Variants in SLC13A3 observed in about 807,000 individuals in gnomAD.
SLC13A3 encodes solute carrier family 13 member 3, also known as Na(+)/dicarboxylate cotransporter 3.
SLC13A3 carries 40 observed loss-of-function variants against 59.0 expected under a neutral mutation model. The ratio of observed to expected loss-of-function variants is 0.68; its 90% CI spans 0.53 to 0.88. The LOEUF is 0.88. Among genes scored for constraint, SLC13A3 ranks in the 40% least tolerant of loss-of-function variants. The pLI, the probability that SLC13A3 is intolerant of heterozygous loss-of-function variation, is 0.00. For synonymous variants in SLC13A3, 317 were observed against 330.3 expected (o/e 0.96, Z 0.44); for missense variants, 699 against 783.2 (o/e 0.89, Z 1.28).
At chr20:46,600,423 A>AAGGAAGG (rs753404754) in intron 3 of SLC13A3, among the ~76,000 whole-genome samples, 1 of 129,968 alleles carries the variant, frequency 7.7e-6, no homozygotes, top group Non-Finnish European at 1.8e-5. Flanking sequence ...GGAAGGAAGG[A>AAGGAAGG]AAGGAAGGAA....
intron 10 of SLC13A3, among the ~76,000 whole-genome samples, chr20:46,574,263 T>C (rs1050008540): frequency 4.6e-5 from 7 of 152,194 alleles, no homozygotes; most frequent in African/African-American, 1.7e-4. Flanking sequence ...AGGGAGAGTT[T>C]GAACCCCAGC....
chr20:46,613,541 A>G lies in SLC13A3; in HGVS notation c.296T>C (p.Met99Thr). Reference protein sequence around the residue: ...TNFLFLSGLIMASAIEEWNLH... With the variant: ...TNFLFLSGLITASAIEEWNLH... ...GTTCCACTCCTCAATGGCGCTGGCC[A>G]TGATCAGCCCACTGAGGAAGAGGAA... is the stretch of plus-strand genomic sequence containing the variant. The change falls in exon 2 of 13, where the codon ATG becomes ACG. Residue 99 changes from methionine (M) to threonine (T), a missense_variant. Met to Thr is a moderately conservative substitution (Grantham distance 81). Transcript: ENST00000279027. 6.2e-7 allele frequency: 1 copy of G among 1,614,102 alleles called. No homozygotes were observed. Among genetic ancestry groups the G allele is most frequent in the Non-Finnish European group, 8.5e-7 (1 of 1,179,990 alleles).
intron 5 of SLC13A3, among the ~76,000 whole-genome samples, chr20:46,595,557 C>G (rs930525959): frequency 2.0e-5 from 3 of 152,196 alleles, no homozygotes; most frequent in African/African-American, 7.2e-5. Context: ...CGCTGGATCA[C>G]TCCTCTGCTG....
chr20:46,626,097 TTC>T (rs74176872), intron 1 of SLC13A3, among the ~76,000 whole-genome samples: 412 of 145,094 alleles, frequency 2.8e-3, no homozygotes, highest in East Asian at 3.2e-3. Context: ...CAAAGCTGTA[TTC>T]TCTCTCTCTC....
intron 1 of SLC13A3, among the ~76,000 whole-genome samples, chr20:46,625,057 C>G (rs2062654271): frequency 6.6e-6 from 1 of 152,212 alleles, no homozygotes; most frequent in Non-Finnish European, 1.5e-5. Flanking sequence ...GGGCAGGAGT[C>G]ATGCACCTGC....
At chr20:46,648,035 G>A (rs1260766327) in intron 1 of SLC13A3, among the ~76,000 whole-genome samples, 1 of 152,174 alleles carries the variant, frequency 6.6e-6, no homozygotes, top group East Asian at 1.9e-4. Flanking sequence ...GGACGCTGAG[G>A]ACGCCTGTCT....
chr20:46,582,085 C>G (rs2062144063), intron 9 of SLC13A3, among the ~76,000 whole-genome samples: 1 of 152,034 alleles, frequency 6.6e-6, no homozygotes. Context: ...GCTAGGAGTT[C>G]AAGACCAGCC....
Position 46,668,218 on chromosome 20 carries a change from C to CAAAGCCA in SLC13A3, c.-31+1824_-31+1825insTGGCTTT, listed in dbSNP as rs571208040. On this transcript the variant is annotated intron_variant, in intron 1 of 12. Transcript: ENST00000290317. ...AAATGGTTACACTTAGTGAGGAAGG[C>CAAAGCCA]ACGTCGAAAGCCAACACAGGCCAAA... 9.8e-4 allele frequency among the ~76,000 whole-genome samples: 149 copies of CAAAGCCA among 152,316 alleles called. 1 individual carries two copies. Among genetic ancestry groups the CAAAGCCA allele is most frequent in the African/African-American group, 3.5e-3 (146 of 41,564 alleles).
At chr20:46,640,352 C>A (rs1034679841) in intron 1 of SLC13A3, among the ~76,000 whole-genome samples, 1 of 152,080 alleles carries the variant, frequency 6.6e-6, no homozygotes, top group Non-Finnish European at 1.5e-5. Flanking sequence ...ACCAGGTTGA[C>A]CGGCAGGGCA....
At chr20:46,679,071 C>G (rs898482978) in intron 1 of SLC13A3, among the ~76,000 whole-genome samples, 10 of 152,188 alleles carry the variant, frequency 6.6e-5, no homozygotes, top group African/African-American at 2.4e-4. Flanking sequence ...CATGCTTGTA[C>G]AGCCTGCAGA....
chr20:46,650,601 C>T lies in SLC13A3; in HGVS notation c.111+710G>A, dbSNP rs139228083. On this transcript the variant is annotated intron_variant, in intron 1 of 12. Transcript: ENST00000279027. ...ATTGCCTCATTGATATTCACCGCTGCCCTATGGGTGGGCACTATCATTTCT... is the reference window on the plus strand; with the variant it reads ...ATTGCCTCATTGATATTCACCGCTGTCCTATGGGTGGGCACTATCATTTCT... Among the ~76,000 whole-genome samples the T allele has an allele frequency of 3.3e-3, 497 of 152,276 alleles. 7 individuals are homozygous for T. Among genetic ancestry groups the T allele is most frequent in the African/African-American group, 0.011 (463 of 41,558 alleles).
intron 11 of SLC13A3, 57 bp from the exon 12 acceptor site, chr20:46,563,608 G>A (rs2061952607): frequency 2.0e-6 from 3 of 1,516,464 alleles, no homozygotes; most frequent in Non-Finnish European, 2.7e-6. Flanking sequence ...AGCGACCACA[G>A]CAAGAGGGAG....
rs1054926053 is a variant in SLC13A3 at position 46,637,959 on chromosome 20, C to A, written c.111+13352G>T. On this transcript the variant is annotated intron_variant, in intron 1 of 12. Transcript: ENST00000279027. ...GGGAAAGCCAGGGTCTGGAGAAGTA[C>A]AGGTTCCATATCAAGAAAAAAGTCA... Among the ~76,000 whole-genome samples the A allele has an allele frequency of 3.3e-5, 5 of 152,280 alleles. No individual in the cohort carries two copies. The South Asian group carries it at 1.0e-3, about 32-fold the overall frequency.
At chr20:46,636,959 C>A (rs190448491) in intron 1 of SLC13A3, among the ~76,000 whole-genome samples, 11 of 152,200 alleles carry the variant, frequency 7.2e-5, no homozygotes, top group African/African-American at 2.7e-4. Flanking sequence ...CACCACCACG[C>A]CTGGCTAATT....
intron 1 of SLC13A3, among the ~76,000 whole-genome samples, chr20:46,657,506 C>T (rs1346267854): frequency 6.6e-6 from 1 of 152,092 alleles, no homozygotes; most frequent in Non-Finnish European, 1.5e-5. Context: ...TTGCTGACTT[C>T]TTTCAGTGCT....
At chr20:46,585,337 G>C (rs2062179818) in intron 8 of SLC13A3, 1 of 1,000,148 alleles carries the variant, frequency 1.0e-6, no homozygotes, top group South Asian at 4.3e-5. Flanking sequence ...AGTGGATAAA[G>C]AGCCACTAAC....
chr20:46,567,586 G>T (rs1209691608), intron 10 of SLC13A3, among the ~76,000 whole-genome samples: 1 of 152,106 alleles, frequency 6.6e-6, no homozygotes, highest in African/African-American at 2.4e-5. Context: ...AATGCCCAGT[G>T]CTGACTCCAG....
intron 1 of SLC13A3, among the ~76,000 whole-genome samples, chr20:46,648,942 TACAC>T (rs113495144): frequency 0.018 from 2,054 of 114,748 alleles, 123 homozygotes; most frequent in Admixed American, 0.13. Context: ...CACACACACA[TACAC>T]ACACACACAC....
intron 11 of SLC13A3, among the ~76,000 whole-genome samples, chr20:46,564,099 T>G (rs1284942244): frequency 6.6e-6 from 1 of 152,240 alleles, no homozygotes; most frequent in African/African-American, 2.4e-5. Context: ...GAACCAGGGC[T>G]TTAAAATACT....
Sources: allele counts gnomAD v4.1 joint callset (sites outside exome capture counted in the v4.1 genomes callset), GRCh38; gene constraint gnomAD v4.1.1; transcripts MANE v1.5; gene names NCBI Gene and HGNC (gene_info 2026-07-23, HGNC 2026-07-21).